Variants in SIK3 observed in about 807,000 individuals in gnomAD.
SIK3 encodes SIK family kinase 3.
A neutral mutation model predicts 144.2 loss-of-function variants in SIK3; 28 were observed. The ratio of observed to expected loss-of-function variants is 0.19; its 90% CI spans 0.14 to 0.27. SIK3 has a LOEUF of 0.27. SIK3 is among the 10% of genes least tolerant of loss of function. The pLI, the probability that SIK3 is intolerant of heterozygous loss-of-function variation, is 1.00. For synonymous variants in SIK3, 686 were observed against 676.3 expected, an observed-to-expected ratio of 1.01 and a Z score of -0.22; for missense variants, 1,319 against 1,776.0, an observed-to-expected ratio of 0.74 and a Z score of 4.62.
At chr11:117,078,658 C>T (rs2136039819) in intron 1 of SIK3, among the ~76,000 whole-genome samples, 1 of 152,260 alleles carries the variant, frequency 6.6e-6, no homozygotes, top group Non-Finnish European at 1.5e-5. Context: ...CCGCCTTGGC[C>T]TCCCAAAGTG....
In SIK3 at chr11:116,876,319, G is replaced by A. The variant is rs2134565245; in HGVS notation, c.1029C>T (p.Asp343=). 3 of 1,614,218 alleles carry A rather than the reference G, an allele frequency of 1.9e-6. No homozygotes were observed. Among genetic ancestry groups the A allele is most frequent in the Non-Finnish European group, 2.5e-6 (3 of 1,180,030 alleles). Residue 343 remains aspartate, a synonymous_variant, in exon 8 of 25, where the codon GAC becomes GAT. Coordinates refer to ENST00000445177, the MANE Select transcript of SIK3 (RefSeq NM_001366686.3). Reference sequence around the variant, plus strand: ...CCAAGAGGACATCCTCATTCAGGGGGTCCACCTGTCTTTCTTCCTTTAGTT... The same window carrying A: ...CCAAGAGGACATCCTCATTCAGGGGATCCACCTGTCTTTCTTCCTTTAGTT... ...CQQLKEERQV[D]PLNEDVLLAM... is the part of the protein sequence containing the mutation.
At chr11:116,888,760 C>G (rs541658183) in intron 6 of SIK3, among the ~76,000 whole-genome samples, 1 of 152,296 alleles carries the variant, frequency 6.6e-6, no homozygotes, top group East Asian at 1.9e-4. Flanking sequence ...GATTAAAGAG[C>G]GACTACGTTT....
intron 11 of SIK3, among the ~76,000 whole-genome samples, chr11:116,874,930 T>C (rs918984755): frequency 3.3e-5 from 5 of 152,206 alleles, no homozygotes; most frequent in African/African-American, 1.2e-4. Context: ...AAAGACTATT[T>C]TGGGAAAACA....
intron 11 of SIK3, 37 bp downstream of exon 11, chr11:116,875,121 C>A: frequency 6.6e-7 from 1 of 1,523,818 alleles, no homozygotes; most frequent in Non-Finnish European, 9.1e-7. Flanking sequence ...CAATTCTTTG[C>A]CCCAGTGTTA....
chr11:117,025,451 A>ATT (rs59365543), intron 1 of SIK3, among the ~76,000 whole-genome samples: 4 of 148,156 alleles, frequency 2.7e-5, no homozygotes, highest in South Asian at 2.1e-4. Context: ...GCCCAATACA[A>ATT]TTTTTTTTTT....
chr11:117,037,799 C>G (rs1288686215), intron 1 of SIK3, among the ~76,000 whole-genome samples: 7 of 152,164 alleles, frequency 4.6e-5, no homozygotes, highest in Non-Finnish European at 1.0e-4. Context: ...GAAAAACACA[C>G]ACACAAAAAC....
chr11:116,896,134 C>T, intron 6 of SIK3, 119 bp downstream of exon 6: 1 of 1,395,592 alleles, frequency 7.2e-7, no homozygotes, highest in Non-Finnish European at 9.9e-7. Flanking sequence ...GGTCAGCAAG[C>T]TGGAGTTAAA....
intron 3 of SIK3, among the ~76,000 whole-genome samples, chr11:116,952,673 A>G (rs1334602453): frequency 6.6e-6 from 1 of 152,144 alleles, no homozygotes; most frequent in Non-Finnish European, 1.5e-5. Flanking sequence ...ACTGTTCTCT[A>G]CTATACAGAG....
chr11:116,895,975 T>C (rs920489649), intron 6 of SIK3, among the ~76,000 whole-genome samples: 1 of 152,192 alleles, frequency 6.6e-6, no homozygotes, highest in Non-Finnish European at 1.5e-5. Context: ...CTTACAGTAA[T>C]AGCAGCCCTC....
In SIK3 at chr11:116,846,615, G is replaced by T; in HGVS notation, c.3953-62C>A. The T allele has an allele frequency of 6.3e-7, 1 of 1,588,562 alleles. No individual in the cohort carries two copies. The highest frequency in any genetic ancestry group is 1.3e-5 in the African/African-American group (1 of 74,542). ...AACTGGGGGACTAGGAGAGCAAGGG[G>T]GAGAGAGAGGAGGAATTGAAGGCAA... On this transcript the variant is annotated intron_variant, in intron 23 of 24. Coordinates refer to ENST00000445177, the MANE Select transcript of SIK3 (RefSeq NM_001366686.3). This position sits in a 1 kb window ranked among gnomAD's most constrained non-coding sequence, Gnocchi z 4.1.
intron 1 of SIK3, among the ~76,000 whole-genome samples, chr11:117,082,220 G>C (rs1014301771): frequency 6.6e-6 from 1 of 152,158 alleles, no homozygotes; most frequent in African/African-American, 2.4e-5. Context: ...AAACAGTTTG[G>C]AAGTTGCTCA....
intron 3 of SIK3, among the ~76,000 whole-genome samples, chr11:116,928,651 G>C (rs536254778): frequency 6.6e-6 from 1 of 152,240 alleles, no homozygotes; most frequent in Non-Finnish European, 1.5e-5. Context: ...GAAATGGTAG[G>C]GGAGAAGGTT....
At chr11:116,964,451 C>T (rs1949452196) in intron 1 of SIK3, among the ~76,000 whole-genome samples, 1 of 152,160 alleles carries the variant, frequency 6.6e-6, no homozygotes, top group South Asian at 2.1e-4. Flanking sequence ...AAATATGCAG[C>T]TGTCAAGCCT....
chr11:116,881,869 C>G (rs1944569573), intron 6 of SIK3, among the ~76,000 whole-genome samples: 1 of 152,060 alleles, frequency 6.6e-6, no homozygotes, highest in African/African-American at 2.4e-5. Flanking sequence ...CAAACCAACC[C>G]AATACTATTA....
In SIK3 at chr11:116,847,570, A is replaced by C. The variant is rs371384060; in HGVS notation, c.3858T>G (p.Ala1286=). 106 of 1,614,180 alleles carry C rather than the reference A, an allele frequency of 6.6e-5. No homozygotes were observed. The highest frequency in any genetic ancestry group is 4.8e-4 in the South Asian group (44 of 91,084). ...TCCGGGCAGAGCTAAGTGCTTTCCC[A>C]GCCACGAGACTCATTCCTGGCAAGT... ...LDNLPGMSLV[A]GKALSSARMS... is the part of the protein sequence containing the mutation. The change falls in exon 23 of 25, where the codon GCT becomes GCG. Residue 1286 remains alanine, a synonymous_variant. Coordinates refer to ENST00000445177, the MANE Select transcript of SIK3 (RefSeq NM_001366686.3).
At chr11:116,997,833 G>A (rs1472952606) in intron 1 of SIK3, among the ~76,000 whole-genome samples, 1 of 152,192 alleles carries the variant, frequency 6.6e-6, no homozygotes, top group African/African-American at 2.4e-5. Flanking sequence ...GCACAAGAGT[G>A]CCTTTGTTGA....
chr11:116,890,960 T>C (rs1801666721), intron 6 of SIK3, among the ~76,000 whole-genome samples: 1 of 152,090 alleles, frequency 6.6e-6, no homozygotes, highest in Non-Finnish European at 1.5e-5. Flanking sequence ...GAAATCAGCA[T>C]TTTTTAAAAT....
At chr11:116,893,866 C>T (rs4938316) in intron 6 of SIK3, 22,594 of 162,902 alleles carry the variant, frequency 0.14, 1,890 homozygotes, top group Middle Eastern at 0.23. Context: ...CTGGAAAGAG[C>T]GTGTCGTCTA....
At chr11:116,975,235 A>G (rs978765466) in intron 1 of SIK3, among the ~76,000 whole-genome samples, 5 of 152,074 alleles carry the variant, frequency 3.3e-5, no homozygotes, top group Non-Finnish European at 7.3e-5. Context: ...GCAATTCACC[A>G]ATTTAAAGTG....
Sources: gnomAD v4.1 joint callset for allele counts (sites outside exome capture counted in the v4.1 genomes callset) on GRCh38, gnomAD v4.1.1 for gene constraint, Gnocchi (gnomAD v3.1) non-coding constraint, MANE v1.5 for transcripts, NCBI Gene and HGNC (gene_info 2026-07-23, HGNC 2026-07-21) for gene names.